MAGOHB: variants seen among roughly 807,000 people sequenced by gnomAD.
MAGOHB encodes the protein protein mago nashi homolog 2.
In MAGOHB, 15 loss-of-function variants were observed where a neutral mutation model predicts 20.9. That is an observed-to-expected ratio of 0.72 (90% CI 0.48 to 1.11). The LOEUF (loss-of-function observed/expected upper bound fraction) is 1.11. MAGOHB is among the 50% of genes least tolerant of loss of function. The pLI is 0.00. For missense variants in MAGOHB, 162 were observed against 177.6 expected (o/e 0.91, Z 0.50); for synonymous variants, 50 against 57.9 (o/e 0.86, Z 0.62).
chr12:10,610,600 A>AAAAAAAAAAAC (rs1865714331), intron 2 of MAGOHB, 22 bp downstream of exon 2: 1 of 1,373,650 alleles, frequency 7.3e-7, no homozygotes, highest in Non-Finnish European at 9.5e-7. Flanking sequence ...AAAAAAAAAA[A>AAAAAAAAAAAC]AGACATTCAC....
At chr12:10,606,407 T>C (rs777500499) in intron 4 of MAGOHB, 33 bp from the exon 5 acceptor site, 7 of 1,192,418 alleles carry the variant, frequency 5.9e-6, no homozygotes. Context: ...TTACTTTTTC[T>C]TCCTAGGATA....
In MAGOHB at chr12:10,610,661, G is replaced by A; in HGVS notation, c.114C>T (p.Asn38=). Residue 38 remains asparagine (N), a synonymous_variant, in exon 2 of 5, where the codon AAC becomes AAT. Coordinates refer to ENST00000320756, the MANE Select transcript of MAGOHB (RefSeq NM_018048.5). The stretch of plus-strand genomic sequence containing the variant: ...TGACATCATTTTTGTAATTGCTGTT[G>A]TTGGCATATCTAAGCTTTCCTGTGG... ...FRPDGKLRYA[N]NSNYKNDVMI... 1 of 1,537,830 alleles carries A rather than the reference G, an allele frequency of 6.5e-7. No homozygotes were observed. The highest frequency in any genetic ancestry group is 1.2e-5 in the South Asian group (1 of 81,972).
Position 10,613,543 on chromosome 12 carries a change from G to A in MAGOHB, c.-11C>T. The A allele has an allele frequency of 1.2e-6, 2 of 1,602,698 alleles. No homozygotes were observed. The highest frequency in any genetic ancestry group is 1.7e-4 in the Middle Eastern group (1 of 6,044). On this transcript the variant is annotated 5_prime_UTR_variant, in exon 1 of 5. Coordinates refer to ENST00000320756, the MANE Select transcript of MAGOHB (RefSeq NM_018048.5). Reference sequence around the variant, plus strand: ...GCTAGCCACAGCCATTTTTGTACCCGGGAAGCCCGCCGAAAACGCAGCCAA... The same window carrying A: ...GCTAGCCACAGCCATTTTTGTACCCAGGAAGCCCGCCGAAAACGCAGCCAA...
chr12:10,608,298 T>C (rs1257984611), intron 3 of MAGOHB: 1 of 163,926 alleles, frequency 6.1e-6, no homozygotes, highest in Non-Finnish European at 1.3e-5. Context: ...ATTTTTAATA[T>C]GATAAATACA....
chr12:10,609,801 T>G, intron 3 of MAGOHB, 30 bp downstream of exon 3: 1 of 1,326,174 alleles, frequency 7.5e-7, no homozygotes, highest in Non-Finnish European at 1.1e-6. Flanking sequence ...TTTTAATATT[T>G]ATACACTTAA....
At chr12:10,611,747 CAAAAAAAAAA>C (rs1042294332) in intron 1 of MAGOHB, among the ~76,000 whole-genome samples, 2 of 27,696 alleles carry the variant, frequency 7.2e-5, no homozygotes, top group African/African-American at 1.1e-4. Context: ...GACTCTGTCT[CAAAAAAAAAA>C]AAAAAAAAAA....
rs1251266093 is a variant in MAGOHB at position 10,610,694 on chromosome 12, A to G, written c.95-14T>C. On this transcript the variant is annotated splice_polypyrimidine_tract_variant and intron_variant, in intron 1 of 4. Coordinates refer to ENST00000320756, the MANE Select transcript of MAGOHB (RefSeq NM_018048.5). ...ATCTAAGCTTTCCTGTGGGAAGTGGAAAAAAATCAATTTATAATAGCAAAA... is the reference window on the plus strand; with the variant it reads ...ATCTAAGCTTTCCTGTGGGAAGTGGGAAAAAATCAATTTATAATAGCAAAA... 14 of 1,570,450 alleles carry G rather than the reference A, an allele frequency of 8.9e-6. No homozygotes were observed. Among genetic ancestry groups the G allele is most frequent in the South Asian group, 3.6e-5 (3 of 82,272 alleles).
At position 10,610,663 on chromosome 12, in the gene MAGOHB, T is replaced by G; in HGVS notation, c.112A>C (p.Asn38His). 1 of 1,586,846 alleles carries G rather than the reference T, an allele frequency of 6.3e-7. No individual in the cohort carries two copies. Among genetic ancestry groups the G allele is most frequent in the Non-Finnish European group, 8.5e-7 (1 of 1,170,870 alleles). ...ACATCATTTTTGTAATTGCTGTTGTTGGCATATCTAAGCTTTCCTGTGGGA... is the reference window on the plus strand; with the variant it reads ...ACATCATTTTTGTAATTGCTGTTGTGGGCATATCTAAGCTTTCCTGTGGGA... ...FRPDGKLRYA[N>H]NSNYKNDVMI... The change falls in exon 2 of 5, where the codon AAC becomes CAC. Residue 38 changes from asparagine to histidine, a missense_variant. Asn to His is a moderately conservative substitution (Grantham distance 68). Coordinates refer to ENST00000320756, the MANE Select transcript of MAGOHB (RefSeq NM_018048.5).
intron 3 of MAGOHB, chr12:10,608,621 AC>A (rs1346739555): frequency 4.8e-5 from 7 of 144,748 alleles, no homozygotes; most frequent in African/African-American, 1.7e-4. Context: ...AAAAAAACCA[AC>A]CTAATGTAGA....
rs965098383 is a variant in MAGOHB at position 10,604,435 on chromosome 12, T to C, written c.*1840A>G. On this transcript the variant is annotated 3_prime_UTR_variant, in exon 5 of 5. Coordinates refer to ENST00000320756, the MANE Select transcript of MAGOHB (RefSeq NM_018048.5). ...AAATATGAGAAATTCTAGTAGATAG[T>C]GGGGATAGAGCTAAATAAACGAAAA... 4 of 152,112 alleles carry C rather than the reference T, an allele frequency of 2.6e-5. No individual in the cohort carries two copies. The highest frequency in any genetic ancestry group is 2.9e-5 in the Non-Finnish European group (2 of 68,010). 9.4% of individuals were successfully genotyped at this position (152,112 alleles called of 1,614,324 possible). A position where few individuals can be genotyped will look rare whatever the true frequency, so the allele number is the denominator to read the frequency against.
intron 2 of MAGOHB, 47 bp downstream of exon 2, chr12:10,610,575 T>TACAAAAAAAAAAAAAAAAAA (rs1865709519): frequency 9.0e-7 from 1 of 1,117,190 alleles, no homozygotes; most frequent in African/African-American, 2.9e-5. Flanking sequence ...ATGGGCTAAA[T>TACAAAAAAAAAAAAAAAAAA]GCAAAAAAAA....
rs4763565 is a variant in MAGOHB at position 10,605,854 on chromosome 12, G to C, written c.*421C>G. On this transcript the variant is annotated 3_prime_UTR_variant, in exon 5 of 5. Coordinates refer to ENST00000320756, the MANE Select transcript of MAGOHB (RefSeq NM_018048.5). The stretch of plus-strand genomic sequence containing the variant: ...CCAATCATGTATGAAGGAAATAAGG[G>C]ACAATCTACACTTGCCTTTCATGGA... 1 of 151,664 alleles carries C rather than the reference G, an allele frequency of 6.6e-6. No individual in the cohort carries two copies. The highest frequency in any genetic ancestry group is 1.5e-5 in the Non-Finnish European group (1 of 67,982). The allele number at this position is 151,664 out of a possible 1,614,324, so 9.4% of individuals were successfully genotyped here.
At position 10,613,572 on chromosome 12, in the gene MAGOHB, G is replaced by C; in HGVS notation, c.-40C>G. 7.2e-7 allele frequency: 1 copy of C among 1,387,048 alleles called. No individual in the cohort carries two copies. Among genetic ancestry groups the C allele is most frequent in the Non-Finnish European group, 1.0e-6 (1 of 972,826 alleles). The allele number at this position is 1,387,048 out of a possible 1,614,324, so 85.9% of individuals were successfully genotyped here. ...AGCCCGCCGAAAACGCAGCCAACGT[G>C]TCCCCCGGCGCCTTGCAGTGACGTC... On this transcript the variant is annotated 5_prime_UTR_variant, in exon 1 of 5. Transcript: ENST00000320756.
chr12:10,602,185 ATT>A (rs1416460577), downstream of MAGOHB, among the ~76,000 whole-genome samples: 1 of 152,210 alleles, frequency 6.6e-6, no homozygotes, highest in African/African-American at 2.4e-5. Context: ...CTTTTTACAT[ATT>A]GTCTCCTCTA....
chr12:10,602,777 C>T (rs550366780), downstream of MAGOHB, among the ~76,000 whole-genome samples: 72 of 152,176 alleles, frequency 4.7e-4, 1 homozygote, highest in South Asian at 0.015. Flanking sequence ...CTGACCATAC[C>T]GTTAGCTAGA....
chr12:10,607,472 C>T (rs947295974), intron 4 of MAGOHB, among the ~76,000 whole-genome samples: 2 of 152,058 alleles, frequency 1.3e-5, no homozygotes, highest in African/African-American at 4.8e-5. Context: ...TGGATTTTTT[C>T]CATCTTTTTC....
At chr12:10,603,366 A>G (rs1202889585), downstream of MAGOHB, among the ~76,000 whole-genome samples, 1 of 151,678 alleles carries the variant, frequency 6.6e-6, no homozygotes, top group Non-Finnish European at 1.5e-5. Context: ...TGTTTCCCTA[A>G]TCACCCTGTT....
rs1565553781 is a variant in MAGOHB at position 10,613,527 on chromosome 12, AG to A, written c.5del (p.Ala2ValfsTer12). 6.2e-7 allele frequency: 1 copy of A among 1,613,574 alleles called. No homozygotes were observed. The highest frequency in any genetic ancestry group is 2.2e-5 in the East Asian group (1 of 44,872). M[A>X]VASDFYLRYY... is the part of the protein sequence containing the mutation. ...AGCGCAGGTAGAAATCGCTAGCCAC[AG>A]CCATTTTTGTACCCGGGAAGCCCGC... On this transcript the variant is annotated frameshift_variant, in exon 1 of 5. Transcript: ENST00000320756. LOFTEE classifies it high-confidence loss of function.
At chr12:10,612,233 AACATAACATAACAT>A (rs1469707439) in intron 1 of MAGOHB, among the ~76,000 whole-genome samples, 5 of 149,642 alleles carry the variant, frequency 3.3e-5, no homozygotes, top group African/African-American at 1.3e-4. Flanking sequence ...AACATAACAT[AACATAACATAACAT>A]AATTAGCTGG....
Sources: gnomAD v4.1 joint callset for allele counts (sites outside exome capture counted in the v4.1 genomes callset) on GRCh38, gnomAD v4.1.1 for gene constraint, MANE v1.5 for transcripts, NCBI Gene and HGNC (gene_info 2026-07-23, HGNC 2026-07-21) for gene names.